The following CYP2D6 variants were observed in gnomAD, a reference collection of about 807,000 sequenced individuals.
CYP2D6 encodes cytochrome P450 family 2 subfamily D member 6 (gene/pseudogene).
Under a neutral mutation model 43.5 loss-of-function variants are expected in CYP2D6, and 51 were observed. The ratio of observed to expected loss-of-function variants is 1.17; its 90% CI spans 0.94 to 1.48. The LOEUF (loss-of-function observed/expected upper bound fraction) is 1.48. CYP2D6 is among the 40% of genes most tolerant of loss of function. The pLI is 0.00. For missense variants in CYP2D6, 698 were observed against 688.0 expected (o/e 1.01, Z -0.16); for synonymous variants, 346 against 297.1 (o/e 1.16, Z -1.69).
intron 6 of CYP2D6, 44 bp downstream of exon 6, chr22:42,127,798 C>A (rs1295864568): frequency 1.2e-6 from 2 of 1,605,338 alleles, no homozygotes; most frequent in African/African-American, 2.7e-5. Context: ...CCCGCCTGTA[C>A]CCTTCCTCCC....
In CYP2D6 at chr22:42,127,826, T is replaced by G. The variant is rs760996241; in HGVS notation, c.985+16A>C. 6.2e-7 allele frequency: 1 copy of G among 1,610,482 alleles called. No homozygotes were observed. The highest frequency in any genetic ancestry group is 8.5e-7 in the Non-Finnish European group (1 of 1,177,758). ...TTCCTCCCTCGGCCCCTGCACTGTT[T>G]CCCAGATGGGCTCACGCTGCACATC... On this transcript the variant is annotated intron_variant, in intron 6 of 8. Transcript: ENST00000645361.
Position 42,126,570 on chromosome 22 carries a change from C to G in CYP2D6, c.*4G>C, listed in dbSNP as rs1002182123. 5 of 1,569,108 alleles carry G rather than the reference C, an allele frequency of 3.2e-6. No homozygotes were observed. The African/African-American group carries it at 6.9e-5, about 22-fold the overall frequency. Reference sequence around the variant, plus strand: ...GGAGCAGGCTGGGGACTAGGTACCCCATTCTAGCGGGGCACAGCACAAAGC... The same window carrying G: ...GGAGCAGGCTGGGGACTAGGTACCCGATTCTAGCGGGGCACAGCACAAAGC... On this transcript the variant is annotated 3_prime_UTR_variant, in exon 9 of 9. Coordinates refer to ENST00000645361, the MANE Select transcript of CYP2D6 (RefSeq NM_000106.6).
At chr22:42,130,192 G>A in intron 1 of CYP2D6, 7 of 515,610 alleles carry the variant, frequency 1.4e-5, no homozygotes, top group South Asian at 6.4e-5. Flanking sequence ...ATGCCGGTGA[G>A]CAGTGAGGCC....
rs1290419784 is a variant in CYP2D6 at position 42,127,972 on chromosome 22, G to A, written c.855C>T (p.Asn285=). The change falls in exon 6 of 9, where the codon AAC becomes AAT. Residue 285 remains asparagine, a synonymous_variant. Coordinates refer to ENST00000645361, the MANE Select transcript of CYP2D6 (RefSeq NM_000106.6). ...FLAEMEKAKG[N]PESSFNDENL... is the part of the protein sequence containing the mutation. ...TCTCATCATTGAAGCTGCTCTCAGGGTTCCCCTTGGCCTGAGCAGGGCCGA... is the reference window on the plus strand; with the variant it reads ...TCTCATCATTGAAGCTGCTCTCAGGATTCCCCTTGGCCTGAGCAGGGCCGA... 2 of 1,611,420 alleles carry A rather than the reference G, an allele frequency of 1.2e-6. No individual in the cohort carries two copies. Among genetic ancestry groups the A allele is most frequent in the Non-Finnish European group, 1.7e-6 (2 of 1,178,340 alleles).
intron 4 of CYP2D6, 41 bp from the exon 5 acceptor site, chr22:42,128,391 T>C (rs1931338227): frequency 1.9e-6 from 3 of 1,597,396 alleles, no homozygotes; most frequent in African/African-American, 1.4e-5. Flanking sequence ...TCCTGTGCTC[T>C]GCGTTCACCT....
chr22:42,128,871 G>T lies in CYP2D6; in HGVS notation c.579C>A (p.Arg193=), dbSNP rs750008138. Residue 193 remains arginine (R), a synonymous_variant, in exon 4 of 9, where the codon CGC becomes CGA. Transcript: ENST00000645361. ...AGCGAGGGTCGTCGTACTCGAAGCG[G>T]CGCCCGCAGGTGAGGGAGGCGATCA... is the stretch of plus-strand genomic sequence containing the variant. ...SNVIASLTCG[R]RFEYDDPRFL... 1.9e-6 allele frequency: 3 copies of T among 1,601,428 alleles called. No individual in the cohort carries two copies. The highest frequency in any genetic ancestry group is 2.6e-6 in the Non-Finnish European group (3 of 1,173,704).
In CYP2D6 at chr22:42,126,662, G is replaced by C. The variant is rs1930952604; in HGVS notation, c.1406C>G (p.Pro469Arg). 5.0e-6 allele frequency: 8 copies of C among 1,608,262 alleles called. No individual in the cohort carries two copies. Among genetic ancestry groups the C allele is most frequent in the African/African-American group, 1.4e-5 (1 of 74,030 alleles). The change falls in exon 9 of 9, where the codon CCC becomes CGC. Residue 469 changes from proline to arginine, a missense_variant. Transcript: ENST00000645361. ...GTGGCTGGGCCGGGGCTGTCCAGTG[G>C]GCACCGAGAAGCTGAAGTGCTGCAG... Reference protein sequence around the residue: ...SLLQHFSFSVPTGQPRPSHHG... With the variant: ...SLLQHFSFSVRTGQPRPSHHG...
rs759690407 is a variant in CYP2D6, at chr22:42,128,947, G to C, written c.506-3C>G. ...ACCGTTGGGGCGAAAGGGGCGTCCT[G>C]GGGGTGGGAGATGCGGGTAAGGGGT... On this transcript the variant is annotated splice_region_variant and splice_polypyrimidine_tract_variant and intron_variant, in intron 3 of 8. Transcript: ENST00000645361. The C allele has an allele frequency of 1.9e-6, 3 of 1,584,960 alleles. No individual in the cohort carries two copies. In the East Asian group the frequency reaches 6.9e-5, roughly 36 times the overall value.
At chr22:42,129,334 G>T in intron 2 of CYP2D6, 149 bp from the exon 3 acceptor site, 2 of 1,108,904 alleles carry the variant, frequency 1.8e-6, no homozygotes, top group Non-Finnish European at 2.6e-6. Context: ...CATCCACCTT[G>T]CTCCCTTGGC....
intron 5 of CYP2D6, 85 bp from the exon 6 acceptor site, chr22:42,128,068 G>A: frequency 6.3e-7 from 1 of 1,597,218 alleles, no homozygotes. Flanking sequence ...CCCAGATGCG[G>A]CTCGCCGGGT....
Position 42,129,104 on chromosome 22 carries a change from C to T in CYP2D6, c.434G>A (p.Gly145Asp), listed in dbSNP as rs1447199344. The change falls in exon 3 of 9, where the codon GGC (glycine) becomes GAC (aspartate). Residue 145 changes from glycine to aspartate, a missense_variant. By Grantham distance (94) the Gly-to-Asp change is moderately conservative (BLOSUM62 -1). This residue lies in a region of CYP2D6 where 588 missense variants were observed against 521.1 expected (regional missense o/e 1.13). Coordinates refer to ENST00000645361, the MANE Select transcript of CYP2D6 (RefSeq NM_000106.6). ...SVSTLRNLGLGKKSLEQWVTE... is the reference protein window; with the variant it reads ...SVSTLRNLGLDKKSLEQWVTE... Reference sequence around the variant, plus strand: ...CACCCACTGCTCCAGCGACTTCTTGCCCAGGCCCAAGTTGCGCAAGGTGGA... The same window carrying T: ...CACCCACTGCTCCAGCGACTTCTTGTCCAGGCCCAAGTTGCGCAAGGTGGA... The T allele has an allele frequency of 6.2e-7, 1 of 1,610,532 alleles. No homozygotes were observed. Among genetic ancestry groups the T allele is most frequent in the Non-Finnish European group, 8.5e-7 (1 of 1,177,950 alleles).
At chr22:42,126,800 C>T (rs1263112842) in intron 8 of CYP2D6, 48 bp from the exon 9 acceptor site, 11 of 1,545,894 alleles carry the variant, frequency 7.1e-6, no homozygotes, top group Non-Finnish European at 9.6e-6. Context: ...TGGGTGATAC[C>T]CCTGCAAGAC....
Position 42,127,006 on chromosome 22 carries a change from G to T in CYP2D6, c.1174-14C>A, listed in dbSNP as rs200833634. On this transcript the variant is annotated splice_polypyrimidine_tract_variant and intron_variant, in intron 7 of 8. Coordinates refer to ENST00000645361, the MANE Select transcript of CYP2D6 (RefSeq NM_000106.6). ...GAGTGTCGTTCCCTGGGCAGGAGAT[G>T]CAGGGTGAGAGTGGGGACTGGACTC... 3.1e-6 allele frequency: 5 copies of T among 1,594,664 alleles called. No individual in the cohort carries two copies. Among genetic ancestry groups the T allele is most frequent in the Non-Finnish European group, 4.3e-6 (5 of 1,170,272 alleles).
In CYP2D6 at chr22:42,128,634, C is replaced by A. The variant is rs1194112491; in HGVS notation, c.666+150G>T. The A allele has an allele frequency of 4.2e-6, 4 of 963,848 alleles. No individual in the cohort carries two copies. The East Asian group carries it at 7.7e-5, about 19-fold the overall frequency. 59.7% of individuals were successfully genotyped at this position (963,848 alleles called of 1,614,324 possible). A position where few individuals can be genotyped will look rare whatever the true frequency, so the allele number is the denominator to read the frequency against. On this transcript the variant is annotated intron_variant, in intron 4 of 8. Coordinates refer to ENST00000645361, the MANE Select transcript of CYP2D6 (RefSeq NM_000106.6). ...CACGACCATGTCTGAGATGTCCCCT[C>A]CTCCTCCAGGCCCTTCTTACAGTGG...
At chr22:42,129,640 C>G in intron 2 of CYP2D6, 98 bp downstream of exon 2, 2 of 1,514,588 alleles carry the variant, frequency 1.3e-6, no homozygotes, top group African/African-American at 1.4e-5. Flanking sequence ...TGGCCTGTTT[C>G]ATGTCCACGA....
rs777560972 is a variant in CYP2D6 at position 42,126,750 on chromosome 22, G to A, written c.1318C>T (p.Arg440Cys). 40 of 1,549,312 alleles carry A rather than the reference G, an allele frequency of 2.6e-5. No individual in the cohort carries two copies. Among genetic ancestry groups the A allele is most frequent in the Middle Eastern group, 4.1e-4 (2 of 4,836 alleles). Residue 440 changes from arginine (R) to cysteine (C), a missense_variant and splice_region_variant, in exon 9 of 9, where the codon CGC becomes TGC. Arg to Cys is a radical substitution (Grantham distance 180). Coordinates refer to ENST00000645361, the MANE Select transcript of CYP2D6 (RefSeq NM_000106.6). ...AGGGGCTCCCCGAGGCATGCACGGC[G>A]GCCTGTGGGGAGGGGAGGGGCGTCA... is the stretch of plus-strand genomic sequence containing the variant. The part of the protein sequence containing the change: ...PEAFLPFSAG[R>C]RACLGEPLAR...
chr22:42,126,568 C>T lies in CYP2D6; in HGVS notation c.*6G>A, dbSNP rs1469740852. 1.3e-6 allele frequency: 2 copies of T among 1,567,742 alleles called. No individual in the cohort carries two copies. The highest frequency in any genetic ancestry group is 2.3e-5 in the East Asian group (1 of 44,306). ...AGGGAGCAGGCTGGGGACTAGGTAC[C>T]CCATTCTAGCGGGGCACAGCACAAA... On this transcript the variant is annotated 3_prime_UTR_variant, in exon 9 of 9. Coordinates refer to ENST00000645361, the MANE Select transcript of CYP2D6 (RefSeq NM_000106.6).
At chr22:42,130,545 C>T (rs1931944011) in intron 1 of CYP2D6, 67 bp downstream of exon 1, 2 of 1,298,820 alleles carry the variant, frequency 1.5e-6, no homozygotes, top group Admixed American at 2.0e-5. Flanking sequence ...TTTCACCCAC[C>T]ATCCATGTTT....
At chr22:42,129,635 T>A in intron 2 of CYP2D6, 103 bp downstream of exon 2, 1 of 1,483,120 alleles carries the variant, frequency 6.7e-7, no homozygotes, top group African/African-American at 1.4e-5. Flanking sequence ...CTCGCTGGCC[T>A]GTTTCATGTC....
Sources: gnomAD v4.1 joint callset for allele counts on GRCh38, gnomAD v4.1.1 for gene constraint, gnomAD v4.1.1 regional missense constraint, MANE v1.5 for transcripts, NCBI Gene and HGNC (gene_info 2026-07-23, HGNC 2026-07-21) for gene names.